Variants in TRAPPC9 observed in about 807,000 individuals in gnomAD.
The protein encoded by TRAPPC9 is trafficking protein particle complex subunit 9.
TRAPPC9 carries 83 observed loss-of-function variants against 124.0 expected under a neutral mutation model. The observed-to-expected ratio is 0.67, with a 90% CI of 0.56 to 0.80. The LOEUF (loss-of-function observed/expected upper bound fraction) is 0.80. Ranked by LOEUF, TRAPPC9 falls within the 30% of genes least tolerant of loss-of-function variation. The pLI, the probability that TRAPPC9 is intolerant of heterozygous loss-of-function variation, is 0.00. For missense variants in TRAPPC9, 1,302 were observed against 1,508.3 expected (o/e 0.86, Z 2.27); for synonymous variants, 638 against 617.5 (o/e 1.03, Z -0.49).
intron 21 of TRAPPC9, among the ~76,000 whole-genome samples, chr8:139,748,163 T>C (rs1264015325): frequency 1.7e-4 from 4 of 24,134 alleles, no homozygotes; most frequent in African/African-American, 1.2e-3. Context: ...GGGGTCAGAG[T>C]GGGTGTGGGG....
chr8:139,945,085 T>C (rs1834124460), intron 19 of TRAPPC9, among the ~76,000 whole-genome samples: 1 of 152,116 alleles, frequency 6.6e-6, no homozygotes, highest in African/African-American at 2.4e-5. Context: ...GATCATGCCA[T>C]TGTGCTCCAG....
chr8:139,842,347 T>A (rs995972124), intron 21 of TRAPPC9, among the ~76,000 whole-genome samples: 3 of 152,184 alleles, frequency 2.0e-5, no homozygotes, highest in African/African-American at 7.2e-5. Flanking sequence ...TCCACTGCTG[T>A]CCAGCTCTTT....
intron 17 of TRAPPC9, among the ~76,000 whole-genome samples, chr8:140,082,708 T>C (rs56124765): frequency 1.3e-5 from 2 of 152,350 alleles, no homozygotes; most frequent in Non-Finnish European, 2.9e-5. Context: ...TGCAAAAGAT[T>C]GTTAAACACG....
At chr8:139,985,023 A>G (rs1163905372) in intron 19 of TRAPPC9, among the ~76,000 whole-genome samples, 1 of 152,228 alleles carries the variant, frequency 6.6e-6, no homozygotes, top group Non-Finnish European at 1.5e-5. Context: ...GCACGCCTGA[A>G]GCCTGACACG....
intron 19 of TRAPPC9, among the ~76,000 whole-genome samples, chr8:139,919,881 G>A (rs1010618283): frequency 7.2e-5 from 11 of 152,178 alleles, no homozygotes; most frequent in African/African-American, 1.9e-4. Flanking sequence ...TTCATGACCC[G>A]CTCAGACTCC....
intron 11 of TRAPPC9, among the ~76,000 whole-genome samples, chr8:140,300,173 G>A (rs966536080): frequency 2.6e-5 from 4 of 152,036 alleles, no homozygotes; most frequent in Admixed American, 6.6e-5. Flanking sequence ...CTGCACACAC[G>A]CACACACACG....
At chr8:139,922,489 G>A (rs1832576291) in intron 19 of TRAPPC9, among the ~76,000 whole-genome samples, 1 of 152,346 alleles carries the variant, frequency 6.6e-6, no homozygotes, top group East Asian at 1.9e-4. Context: ...GCCTGAAATG[G>A]GTTTTGTCTT....
intron 19 of TRAPPC9, among the ~76,000 whole-genome samples, chr8:139,943,958 T>C (rs1454660367): frequency 6.6e-6 from 1 of 152,162 alleles, no homozygotes; most frequent in Non-Finnish European, 1.5e-5. Flanking sequence ...ATACCTGTCC[T>C]TGGAGGCACA....
chr8:140,010,009 C>A (rs1037777814), intron 18 of TRAPPC9, among the ~76,000 whole-genome samples: 1 of 152,194 alleles, frequency 6.6e-6, no homozygotes, highest in Admixed American at 6.5e-5. Flanking sequence ...CTTCACTGTA[C>A]TCTATACCAA....
intron 21 of TRAPPC9, among the ~76,000 whole-genome samples, chr8:139,832,654 G>A (rs2130848674): frequency 6.6e-6 from 1 of 152,280 alleles, no homozygotes; most frequent in East Asian, 1.9e-4. Context: ...GAGCACAGAG[G>A]CCTTCCCTCT....
At chr8:139,881,417 T>C (rs939456371) in intron 21 of TRAPPC9, 3 of 152,194 alleles carry the variant, frequency 2.0e-5, no homozygotes, top group East Asian at 1.9e-4. Flanking sequence ...TTACAGAGCA[T>C]CACATGTGGT....
chr8:140,035,908 T>C (rs1436339216), intron 17 of TRAPPC9, among the ~76,000 whole-genome samples: 3 of 152,192 alleles, frequency 2.0e-5, no homozygotes, highest in African/African-American at 7.2e-5. Flanking sequence ...AGCCTAGGTG[T>C]AGACTCAAGA....
At chr8:140,397,019 G>A (rs1450905645) in intron 7 of TRAPPC9, among the ~76,000 whole-genome samples, 3 of 152,124 alleles carry the variant, frequency 2.0e-5, no homozygotes, top group Non-Finnish European at 4.4e-5. Context: ...CTCGTCTGGT[G>A]TCCTTAAGCA....
At chr8:140,225,616 T>C (rs373213379) in intron 16 of TRAPPC9, among the ~76,000 whole-genome samples, 3 of 152,144 alleles carry the variant, frequency 2.0e-5, no homozygotes, top group African/African-American at 7.2e-5. Context: ...AAACGTAAAC[T>C]CCACATTTCT....
intron 17 of TRAPPC9, among the ~76,000 whole-genome samples, chr8:140,220,638 A>G (rs897368715): frequency 2.0e-5 from 3 of 151,908 alleles, no homozygotes; most frequent in Admixed American, 2.0e-4. Context: ...ATGCTCCTCC[A>G]CCCCTCCTCT....
chr8:140,262,335 C>A (rs1478376689), intron 15 of TRAPPC9, among the ~76,000 whole-genome samples: 2 of 152,102 alleles, frequency 1.3e-5, no homozygotes, highest in Non-Finnish European at 2.9e-5. Flanking sequence ...TCCCCTCAGC[C>A]CTCCCTGAGT....
intron 16 of TRAPPC9, among the ~76,000 whole-genome samples, chr8:140,239,536 C>T (rs1345260290): frequency 1.3e-5 from 2 of 152,166 alleles, no homozygotes; most frequent in African/African-American, 4.8e-5. Context: ...GTGAGAAGGA[C>T]CAAAGTGCAG....
intron 17 of TRAPPC9, among the ~76,000 whole-genome samples, chr8:140,203,725 A>G (rs2062849522): frequency 6.6e-6 from 1 of 152,230 alleles, no homozygotes; most frequent in Admixed American, 6.5e-5. Flanking sequence ...GGAAGTGAGA[A>G]GGACTCAGCC....
chr8:140,042,201 GTGTA>G (rs1403072014), intron 17 of TRAPPC9, among the ~76,000 whole-genome samples: 126 of 72,768 alleles, frequency 1.7e-3, no homozygotes, highest in African/African-American at 8.3e-3. Flanking sequence ...GCCCAAAAAA[GTGTA>G]TGTGTGTGTG....
Sources: allele counts gnomAD v4.1 joint callset (sites outside exome capture counted in the v4.1 genomes callset), GRCh38; gene constraint gnomAD v4.1.1; transcripts MANE v1.5; gene names NCBI Gene and HGNC (gene_info 2026-07-23, HGNC 2026-07-21).